Variants in RPS19 observed in about 807,000 individuals in gnomAD.
RPS19 encodes the protein small ribosomal subunit protein eS19.
A neutral mutation model predicts 20.3 loss-of-function variants in RPS19; 1 was observed. That is an observed-to-expected ratio of 0.05 (90% confidence interval 0.02 to 0.23). RPS19 has a LOEUF of 0.23. Among genes scored for constraint, RPS19 ranks in the 10% least tolerant of loss-of-function variants. RPS19 has a pLI of 1.00. For missense variants in RPS19, 111 were observed against 192.7 expected (o/e 0.58, Z 2.51); for synonymous variants, 87 against 74.8 (o/e 1.16, Z -0.84).
intron 3 of RPS19, among the ~76,000 whole-genome samples, chr19:41,867,335 A>C (rs1197049305): frequency 2.0e-5 from 3 of 151,842 alleles, no homozygotes; most frequent in Admixed American, 6.6e-5. Flanking sequence ...ACAGAGTCTC[A>C]CTCTGTCACC....
rs2074160199 is a variant in RPS19, at chr19:41,872,536, C to T, written c.*1159C>T. ...AGACTGGACAAGATGCCGTGGAGAG[C>T]CTTGGCTCTGAGTAGCTCTGCTGCT... On this transcript the variant is annotated 3_prime_UTR_variant, in exon 6 of 6. Coordinates refer to ENST00000598742, the MANE Select transcript of RPS19 (RefSeq NM_001022.4). The T allele has an allele frequency of 6.6e-6, 1 of 152,326 alleles. No homozygotes were observed. Among genetic ancestry groups the T allele is most frequent in the African/African-American group, 2.4e-5 (1 of 41,472 alleles). 9.4% of individuals were successfully genotyped at this position (152,326 alleles called of 1,614,324 possible). A position where few individuals can be genotyped will look rare whatever the true frequency, so the allele number is the denominator to read the frequency against.
chr19:41,863,497 A>C (rs1175208463), intron 3 of RPS19, among the ~76,000 whole-genome samples: 1 of 152,162 alleles, frequency 6.6e-6, no homozygotes, highest in Non-Finnish European at 1.5e-5. Flanking sequence ...TCTACTCATA[A>C]GAGTCTGGCC....
chr19:41,868,154 C>G (rs1217286970), intron 3 of RPS19, among the ~76,000 whole-genome samples: 2 of 152,188 alleles, frequency 1.3e-5, no homozygotes, highest in Non-Finnish European at 2.9e-5. Flanking sequence ...CAGGAACAAA[C>G]CAGACTCTGC....
At chr19:41,863,830 G>GCC (rs1249274144) in intron 3 of RPS19, 1 of 147,050 alleles carries the variant, frequency 6.8e-6, no homozygotes, top group African/African-American at 2.5e-5. Context: ...GTGCAGTGTA[G>GCC]CCCCGGACAG....
intron 5 of RPS19, among the ~76,000 whole-genome samples, chr19:41,870,317 C>T (rs544530413): frequency 3.3e-5 from 5 of 152,154 alleles, no homozygotes; most frequent in Non-Finnish European, 5.9e-5. Flanking sequence ...TAGCTGTACC[C>T]GTAGATGACT....
chr19:41,866,363 C>T (rs2074089878), intron 3 of RPS19, among the ~76,000 whole-genome samples: 1 of 152,236 alleles, frequency 6.6e-6, no homozygotes, highest in South Asian at 2.1e-4. Context: ...AGGGCACAAC[C>T]AGCTACAGGG....
At chr19:41,868,952 T>G in intron 3 of RPS19, 79 bp from the exon 4 acceptor site, 2 of 1,392,180 alleles carry the variant, frequency 1.4e-6, no homozygotes, top group South Asian at 1.2e-5. Flanking sequence ...ACAGTGAGAA[T>G]TAGCTGTTTA....
chr19:41,866,974 G>A (rs543250764), intron 3 of RPS19, among the ~76,000 whole-genome samples: 32 of 151,494 alleles, frequency 2.1e-4, no homozygotes, highest in Admixed American at 5.9e-4. Context: ...CCGAGATTGC[G>A]CCACTGCACT....
At position 41,869,081 on chromosome 19, in the gene RPS19, A is replaced by G; in HGVS notation, c.223A>G (p.Met75Val). 8 of 1,613,830 alleles carry G rather than the reference A, an allele frequency of 5.0e-6. No individual in the cohort carries two copies. Among genetic ancestry groups the G allele is most frequent in the Admixed American group, 1.7e-5 (1 of 60,010 alleles). Reference sequence around the variant, plus strand: ...CCGGGGTGGCGCTGGGGTTGGCTCCATGACCAAGATCTATGGGGGACGTCA... The same window carrying G: ...CCGGGGTGGCGCTGGGGTTGGCTCCGTGACCAAGATCTATGGGGGACGTCA... ...YLRGGAGVGSMTKIYGGRQRN... is the reference protein window; with the variant it reads ...YLRGGAGVGSVTKIYGGRQRN... The change falls in exon 4 of 6, where the codon ATG becomes GTG. Residue 75 changes from methionine to valine, a missense_variant. Coordinates refer to ENST00000598742, the MANE Select transcript of RPS19 (RefSeq NM_001022.4).
chr19:41,869,205 A>G lies in RPS19; in HGVS notation c.347A>G (p.Asp116Gly), dbSNP rs1555841377. 1 of 1,613,306 alleles carries G rather than the reference A, an allele frequency of 6.2e-7. No homozygotes were observed. ...GAGGGGCTGAAAATGGTGGAAAAGG[A>G]CCAAGATGGGTAAGCAGGGTAGAGG... ...ALEGLKMVEKDQDGGRKLTPQ... is the reference protein window; with the variant it reads ...ALEGLKMVEKGQDGGRKLTPQ... Residue 116 changes from aspartate to glycine, a missense_variant, in exon 4 of 6, where the codon GAC (aspartate) becomes GGC (glycine). Asp to Gly is a moderately conservative substitution (Grantham distance 94). Coordinates refer to ENST00000598742, the MANE Select transcript of RPS19 (RefSeq NM_001022.4).
intron 5 of RPS19, among the ~76,000 whole-genome samples, chr19:41,870,666 TAGTC>T (rs532797095): frequency 2.4e-3 from 367 of 152,052 alleles, no homozygotes; most frequent in African/African-American, 8.0e-3. Context: ...TTGGAGCATT[TAGTC>T]AGTCAAGTGT....
In RPS19 at chr19:41,870,848, C is replaced by CTTTTTTTTTTTTTTTTTTTTTT. The variant is rs2074139987; in HGVS notation, c.412-503_412-502insTTTTTTTTTTTTTTTTTTTTTT. On this transcript the variant is annotated intron_variant, in intron 5 of 5. Transcript: ENST00000598742. Reference sequence around the variant, plus strand: ...TTGGACTCCACTCCGCCACTCCCTTCCTTTTTTTTTTTTTTTTTTTTTTTT... The same window carrying CTTTTTTTTTTTTTTTTTTTTTT: ...TTGGACTCCACTCCGCCACTCCCTTCTTTTTTTTTTTTTTTTTTTTTTCTTTTTTTTTTTTTTTTTTTTTTTT... 9.3e-5 allele frequency among the ~76,000 whole-genome samples: 8 copies of CTTTTTTTTTTTTTTTTTTTTTT among 85,766 alleles called. 1 individual carries two copies. The highest frequency in any genetic ancestry group is 2.7e-4 in the African/African-American group (6 of 22,542). The allele number at this position is 85,766 out of a possible 152,430, so 56.3% of individuals were successfully genotyped here.
Position 41,869,748 on chromosome 19 carries a change from G to A in RPS19, c.406G>A (p.Gly136Arg), listed in dbSNP as rs144337183. Residue 136 changes from glycine (G) to arginine (R), a missense_variant, in exon 5 of 6, where the codon GGA (glycine) becomes AGA (arginine). Coordinates refer to ENST00000598742, the MANE Select transcript of RPS19 (RefSeq NM_001022.4). ...ACAAAGAGATCTGGACAGAATCGCC[G>A]GACAGGTAAGGCCTGCGTTTGGGGT... is the stretch of plus-strand genomic sequence containing the variant. ...QGQRDLDRIA[G>R]QVAAANKKH The A allele has an allele frequency of 6.2e-7, 1 of 1,614,120 alleles. No homozygotes were observed.
At chr19:41,870,848 C>CTTTTTTTTTTTTTTTTTTTTTTT (rs2074139987) in intron 5 of RPS19, among the ~76,000 whole-genome samples, 2 of 85,764 alleles carry the variant, frequency 2.3e-5, no homozygotes, top group African/African-American at 8.9e-5. Flanking sequence ...CCACTCCCTT[C>CTTTTTTTTTTTTTTTTTTTTTTT]CTTTTTTTTT....
At chr19:41,871,233 A>T (rs2074146212) in intron 5 of RPS19, 118 bp from the exon 6 acceptor site, 6 of 833,514 alleles carry the variant, frequency 7.2e-6, no homozygotes, top group Non-Finnish European at 8.5e-6. Flanking sequence ...GATGAGATAG[A>T]TGCATTTGAA....
intron 3 of RPS19, 145 bp downstream of exon 3, chr19:41,861,357 G>C: frequency 1.5e-6 from 1 of 684,538 alleles, no homozygotes; most frequent in Non-Finnish European, 2.7e-6. Context: ...TGTGTGATGT[G>C]ACATTCGATA....
intron 3 of RPS19, among the ~76,000 whole-genome samples, chr19:41,861,892 T>A (rs1176219031): frequency 1.3e-5 from 2 of 152,180 alleles, no homozygotes; most frequent in African/African-American, 4.8e-5. Flanking sequence ...CAATAATAAT[T>A]TATGTACAGT....
chr19:41,868,224 G>A (rs2074109291), intron 3 of RPS19, among the ~76,000 whole-genome samples: 1 of 152,228 alleles, frequency 6.6e-6, no homozygotes, highest in Non-Finnish European at 1.5e-5. Flanking sequence ...CTTCCTGCAT[G>A]TGGGCCCCGG....
intron 3 of RPS19, among the ~76,000 whole-genome samples, chr19:41,867,119 C>G (rs1555840885): frequency 6.6e-6 from 1 of 151,708 alleles, no homozygotes; most frequent in African/African-American, 2.4e-5. Flanking sequence ...GGAGTTCAGC[C>G]AGAGCAACAT....
Sources: gnomAD v4.1 joint callset for allele counts (sites outside exome capture counted in the v4.1 genomes callset) on GRCh38, gnomAD v4.1.1 for gene constraint, MANE v1.5 for transcripts, NCBI Gene and HGNC (gene_info 2026-07-23, HGNC 2026-07-21) for gene names.